The following CDH12 variants were observed in gnomAD, a reference collection of about 807,000 sequenced individuals.
The protein encoded by CDH12 is cadherin-12.
In CDH12, 41 loss-of-function variants were observed where a neutral mutation model predicts 74.1. The observed-to-expected ratio is 0.55, with a 90% confidence interval of 0.43 to 0.72. The LOEUF (loss-of-function observed/expected upper bound fraction) is 0.72, where lower values mean the gene tolerates loss of function less well. Ranked by LOEUF, CDH12 falls within the 30% of genes least tolerant of loss-of-function variation. The probability of loss-of-function intolerance (pLI) is 0.00; values close to 1 mark genes in which losing one functional copy is unlikely to be tolerated. For missense variants in CDH12, 945 were observed against 977.2 expected, an observed-to-expected ratio of 0.97 and a Z score of 0.44; for synonymous variants, 399 against 355.0, an observed-to-expected ratio of 1.12 and a Z score of -1.39.
intron 4 of CDH12, among the ~76,000 whole-genome samples, chr5:22,084,044 C>T (rs986069203): frequency 6.6e-6 from 1 of 152,092 alleles, no homozygotes; most frequent in Non-Finnish European, 1.5e-5. Flanking sequence ...CTGGGAAGGA[C>T]ATAATTTTAG....
chr5:22,642,679 T>A lies in CDH12; in HGVS notation c.-522-137315A>T, dbSNP rs568627504. ...GACCATTTTGTTATATTTTATTTTT[T>A]AAAAATTGGAATAAATGTAGATACT... On this transcript the variant is annotated intron_variant, in intron 1 of 14. Coordinates refer to ENST00000382254, the MANE Select transcript of CDH12 (RefSeq NM_004061.5). Among the ~76,000 whole-genome samples the A allele has an allele frequency of 1.6e-3, 242 of 152,230 alleles. 3 individuals are homozygous for A. The South Asian group carries it at 0.046, about 29-fold the overall frequency.
intron 1 of CDH12, among the ~76,000 whole-genome samples, chr5:22,564,205 G>A (rs1739191334): frequency 6.6e-6 from 1 of 152,112 alleles, no homozygotes; most frequent in Admixed American, 6.6e-5. Context: ...TTAGCTTTCA[G>A]TAAATGGTGT....
chr5:22,492,302 T>C (rs1443566057), intron 2 of CDH12, among the ~76,000 whole-genome samples: 1 of 151,954 alleles, frequency 6.6e-6, no homozygotes, highest in Non-Finnish European at 1.5e-5. Context: ...CCCAGACTTC[T>C]TTCTAGACAA....
intron 7 of CDH12, among the ~76,000 whole-genome samples, chr5:21,843,727 T>C (rs1750003238): frequency 6.6e-6 from 1 of 152,032 alleles, no homozygotes; most frequent in Non-Finnish European, 1.5e-5. Flanking sequence ...TAATCCAATG[T>C]GTTTGTCCTT....
intron 1 of CDH12, among the ~76,000 whole-genome samples, chr5:22,589,403 C>A (rs1288474863): frequency 1.3e-5 from 2 of 152,118 alleles, no homozygotes; most frequent in African/African-American, 4.8e-5. Context: ...TGTTGTAATC[C>A]ATCAAGATTT....
chr5:21,800,155 G>T (rs146912031), intron 10 of CDH12, among the ~76,000 whole-genome samples: 323 of 152,180 alleles, frequency 2.1e-3, no homozygotes, highest in Non-Finnish European at 3.5e-3. Flanking sequence ...TTCACAGCTG[G>T]AGATTCACAG....
chr5:22,217,941 C>T (rs1751878777), intron 3 of CDH12, among the ~76,000 whole-genome samples: 1 of 151,416 alleles, frequency 6.6e-6, no homozygotes, highest in South Asian at 2.1e-4. Flanking sequence ...TTCCTGTTCA[C>T]TAAAAAATTT....
At chr5:21,840,716 T>A (rs909769108) in intron 8 of CDH12, among the ~76,000 whole-genome samples, 5 of 152,196 alleles carry the variant, frequency 3.3e-5, no homozygotes, top group South Asian at 2.1e-4. Flanking sequence ...TCTACAACTA[T>A]CTGATCTTTG....
intron 4 of CDH12, among the ~76,000 whole-genome samples, chr5:22,167,328 G>A (rs1299690539): frequency 1.3e-5 from 2 of 152,164 alleles, no homozygotes; most frequent in South Asian, 4.1e-4. Context: ...CCAAGGCATC[G>A]CTGAAAGAAA....
intron 4 of CDH12, among the ~76,000 whole-genome samples, chr5:22,149,631 T>G (rs1430238568): frequency 1.3e-5 from 2 of 152,292 alleles, no homozygotes; most frequent in Admixed American, 1.3e-4. Context: ...ACATCCTACA[T>G]GAATGATCTA....
At chr5:21,992,380 T>C (rs1386545848) in intron 5 of CDH12, among the ~76,000 whole-genome samples, 5 of 152,186 alleles carry the variant, frequency 3.3e-5, no homozygotes, top group Non-Finnish European at 7.4e-5. Context: ...AAGTTTTTTG[T>C]TTTGTTTTTT....
At chr5:22,707,522 T>G (rs943750104) in intron 1 of CDH12, among the ~76,000 whole-genome samples, 2 of 152,126 alleles carry the variant, frequency 1.3e-5, no homozygotes, top group African/African-American at 4.8e-5. Flanking sequence ...TGAACTATCA[T>G]CAGTGTCATT....
chr5:22,392,932 G>T (rs1482635347), intron 3 of CDH12, among the ~76,000 whole-genome samples: 1 of 152,022 alleles, frequency 6.6e-6, no homozygotes. Flanking sequence ...ATTTTTCACT[G>T]TAGTCAGGCT....
At chr5:22,120,909 A>G (rs945909099) in intron 4 of CDH12, among the ~76,000 whole-genome samples, 8 of 152,170 alleles carry the variant, frequency 5.3e-5, no homozygotes, top group Admixed American at 6.5e-5. Flanking sequence ...TTTCTGGAGA[A>G]CCCAATAGAG....
At chr5:21,765,680 T>C (rs1744983765) in intron 11 of CDH12, among the ~76,000 whole-genome samples, 1 of 152,034 alleles carries the variant, frequency 6.6e-6, no homozygotes, top group Non-Finnish European at 1.5e-5. Context: ...AAAAAGGAAG[T>C]AATAAACTTC....
chr5:22,106,025 C>T (rs1744420538), intron 4 of CDH12, among the ~76,000 whole-genome samples: 1 of 152,110 alleles, frequency 6.6e-6, no homozygotes, highest in South Asian at 2.1e-4. Context: ...TTGTGGAATA[C>T]TATTGCCATA....
chr5:22,512,840 A>G (rs1242570401), intron 1 of CDH12, among the ~76,000 whole-genome samples: 1 of 152,074 alleles, frequency 6.6e-6, no homozygotes, highest in African/African-American at 2.4e-5. Flanking sequence ...AGTCGGGTGG[A>G]TCATCTGAGT....
chr5:22,265,189 A>G (rs1753662224), intron 3 of CDH12, among the ~76,000 whole-genome samples: 1 of 152,172 alleles, frequency 6.6e-6, no homozygotes, highest in African/African-American at 2.4e-5. Context: ...GGTACCCATT[A>G]TGTATAACAT....
At chr5:22,580,425 C>T (rs996189627) in intron 1 of CDH12, 2 of 508,188 alleles carry the variant, frequency 3.9e-6, no homozygotes, top group Admixed American at 2.1e-5. Flanking sequence ...AGAAACATCA[C>T]CCTCCAAGTA....
Sources: gnomAD v4.1 joint callset for allele counts (sites outside exome capture counted in the v4.1 genomes callset) on GRCh38, gnomAD v4.1.1 for gene constraint, MANE v1.5 for transcripts, NCBI Gene and HGNC (gene_info 2026-07-23, HGNC 2026-07-21) for gene names.